The following DYNC1LI1 variants were observed in gnomAD, a reference collection of about 807,000 sequenced individuals.
The protein encoded by DYNC1LI1 is cytoplasmic dynein 1 light intermediate chain 1.
In DYNC1LI1, 19 loss-of-function variants were observed where a neutral mutation model predicts 63.8. The observed-to-expected ratio is 0.30, with a 90% confidence interval of 0.21 to 0.44. The LOEUF (loss-of-function observed/expected upper bound fraction) is 0.44, where lower values mean the gene tolerates loss of function less well. Among genes scored for constraint, DYNC1LI1 ranks in the 20% least tolerant of loss-of-function variants. The pLI is 1.00. For synonymous variants in DYNC1LI1, 225 were observed against 232.3 expected (o/e 0.97, Z 0.28); for missense variants, 565 against 630.2 (o/e 0.90, Z 1.11).
At chr3:32,549,302 C>T (rs1025060369) in intron 2 of DYNC1LI1, among the ~76,000 whole-genome samples, 4 of 150,330 alleles carry the variant, frequency 2.7e-5, no homozygotes, top group East Asian at 3.9e-4. Context: ...TATCTAGTTG[C>T]CTCAGCAGAC....
At chr3:32,530,410 A>G in intron 9 of DYNC1LI1, 51 bp downstream of exon 9, 2 of 1,604,802 alleles carry the variant, frequency 1.2e-6, no homozygotes, top group Non-Finnish European at 1.7e-6. Flanking sequence ...TACACACAAG[A>G]ACAGTTTACC....
chr3:32,544,239 C>T (rs911058590), intron 4 of DYNC1LI1, among the ~76,000 whole-genome samples: 5 of 152,064 alleles, frequency 3.3e-5, no homozygotes, highest in East Asian at 3.9e-4. Context: ...TCTTTCTAGG[C>T]ACATTTCATT....
chr3:32,545,958 A>G lies in DYNC1LI1; in HGVS notation c.228T>C (p.Asp76=), dbSNP rs1292509509. 1.3e-6 allele frequency: 2 copies of G among 1,576,310 alleles called. No homozygotes were observed. Among genetic ancestry groups the G allele is most frequent in the South Asian group, 2.2e-5 (2 of 89,962 alleles). The change falls in exon 3 of 13, where the codon GAT becomes GAC. Residue 76 remains aspartate, a synonymous_variant. Transcript: ENST00000273130. ...AGKNVLLLGE[D]GAGKTSLIRK... is the part of the protein sequence containing the mutation. ...TTATTAAGCTTGTTTTTCCAGCTCC[A>G]TCTTCACCTAGATATGTAAAAAAAG...
chr3:32,530,771 C>T (rs4955297), intron 8 of DYNC1LI1: 60,105 of 421,502 alleles, frequency 0.14, 5,095 homozygotes, highest in African/African-American at 0.27. Context: ...CCAGTGGCTA[C>T]TGAGCACTTG....
At chr3:32,548,156 T>C (rs1697983416) in intron 2 of DYNC1LI1, among the ~76,000 whole-genome samples, 1 of 152,034 alleles carries the variant, frequency 6.6e-6, no homozygotes, top group Non-Finnish European at 1.5e-5. Context: ...CACTGGGCTG[T>C]GGACCGGTAC....
intron 2 of DYNC1LI1, among the ~76,000 whole-genome samples, chr3:32,556,137 C>A (rs1179595770): frequency 6.6e-6 from 1 of 152,180 alleles, no homozygotes; most frequent in East Asian, 1.9e-4. Flanking sequence ...TCGTTCTCTC[C>A]CAACTCTACA....
chr3:32,543,250 G>A (rs1341574466), intron 4 of DYNC1LI1, among the ~76,000 whole-genome samples: 1 of 151,674 alleles, frequency 6.6e-6, no homozygotes, highest in Non-Finnish European at 1.5e-5. Context: ...AAAATTAAAA[G>A]CATTTAGACA....
intron 7 of DYNC1LI1, among the ~76,000 whole-genome samples, 170 bp from the exon 8 acceptor site, chr3:32,533,267 A>G (rs1293788946): frequency 6.6e-6 from 1 of 152,202 alleles, no homozygotes; most frequent in African/African-American, 2.4e-5. Flanking sequence ...ACTTAAAATG[A>G]AAGCCTGGGC....
At chr3:32,542,536 G>A (rs1351010584) in intron 4 of DYNC1LI1, among the ~76,000 whole-genome samples, 2 of 151,564 alleles carry the variant, frequency 1.3e-5, no homozygotes, top group East Asian at 3.9e-4. Flanking sequence ...GCCTCCCAAG[G>A]GGCTGGGACT....
intron 2 of DYNC1LI1, among the ~76,000 whole-genome samples, chr3:32,548,625 C>T (rs1391838952): frequency 6.6e-6 from 1 of 152,054 alleles, no homozygotes; most frequent in Non-Finnish European, 1.5e-5. Flanking sequence ...AGATGTTGGT[C>T]AAAGGTTACA....
At chr3:32,561,526 G>A (rs934162202) in intron 2 of DYNC1LI1, among the ~76,000 whole-genome samples, 1 of 152,048 alleles carries the variant, frequency 6.6e-6, no homozygotes, top group Non-Finnish European at 1.5e-5. Flanking sequence ...CTACTCAGGA[G>A]GCTGAGGCAG....
rs60912161 is a variant in DYNC1LI1 at position 32,528,112 on chromosome 3, CAAAAAAAAAAAA to C, written c.1462+322_1462+333del. Among the ~76,000 whole-genome samples, 135 of 29,904 alleles carry C rather than the reference CAAAAAAAAAAAA, an allele frequency of 4.5e-3. 1 individual carries two copies. The highest frequency in any genetic ancestry group is 8.8e-3 in the African/African-American group (100 of 11,414). The allele number at this position is 29,904 out of a possible 152,430, so 19.6% of individuals were successfully genotyped here. On this transcript the variant is annotated intron_variant, in intron 12 of 12. Coordinates refer to ENST00000273130, the MANE Select transcript of DYNC1LI1 (RefSeq NM_016141.4). ...TGGGCAACAGAACAAGACTCCATCT[CAAAAAAAAAAAA>C]AAAAAAAAAAAAAAAAAAAAGAAAT...
rs115001071 is a variant in DYNC1LI1, at chr3:32,535,565, G to A, written c.833-919C>T. Among the ~76,000 whole-genome samples, 1,367 of 152,208 alleles carry A rather than the reference G, an allele frequency of 9.0e-3. 31 individuals carry two copies. Among genetic ancestry groups the A allele is most frequent in the African/African-American group, 0.031 (1,298 of 41,540 alleles). On this transcript the variant is annotated intron_variant, in intron 6 of 12. Transcript: ENST00000273130. ...CAACTTACTAAACTTACTTTGATACGAAACTTTAACATGGTAGAGACAAAC... is the reference window on the plus strand; with the variant it reads ...CAACTTACTAAACTTACTTTGATACAAAACTTTAACATGGTAGAGACAAAC...
chr3:32,531,789 G>A (rs1697701155), intron 8 of DYNC1LI1: 1 of 152,072 alleles, frequency 6.6e-6, no homozygotes, highest in Non-Finnish European at 1.5e-5. Flanking sequence ...TGATATATAT[G>A]TCAAGATTAA....
chr3:32,542,098 T>C (rs1434839634), intron 4 of DYNC1LI1, among the ~76,000 whole-genome samples: 1 of 152,124 alleles, frequency 6.6e-6, no homozygotes, highest in Non-Finnish European at 1.5e-5. Context: ...ATAAAAATAC[T>C]GGGAAAAATA....
At chr3:32,570,322 C>CG in intron 2 of DYNC1LI1, 24 bp downstream of exon 2, 1 of 1,536,250 alleles carries the variant, frequency 6.5e-7, no homozygotes, top group East Asian at 2.3e-5. Context: ...CCGGGCGGGG[C>CG]GGGGCGAGGC....
intron 2 of DYNC1LI1, among the ~76,000 whole-genome samples, chr3:32,554,580 T>C (rs972535012): frequency 1.3e-5 from 2 of 152,150 alleles, no homozygotes; most frequent in Non-Finnish European, 1.5e-5. Flanking sequence ...GGTGGTAGCA[T>C]AGAATAATCC....
chr3:32,555,817 T>C (rs1214119221), intron 2 of DYNC1LI1, among the ~76,000 whole-genome samples: 1 of 152,192 alleles, frequency 6.6e-6, no homozygotes, highest in Admixed American at 6.5e-5. Context: ...TTTTAAAAAA[T>C]GGGTAAGAGA....
chr3:32,531,221 G>A (rs903638027), intron 8 of DYNC1LI1: 1 of 152,178 alleles, frequency 6.6e-6, no homozygotes, highest in African/African-American at 2.4e-5. Flanking sequence ...CCTTACTGTA[G>A]CCTAATGATA....
Sources: gnomAD v4.1 joint callset for allele counts (sites outside exome capture counted in the v4.1 genomes callset) on GRCh38, gnomAD v4.1.1 for gene constraint, MANE v1.5 for transcripts, NCBI Gene and HGNC (gene_info 2026-07-23, HGNC 2026-07-21) for gene names.